The following MAP3K3 variants were observed in gnomAD, a reference collection of about 807,000 sequenced individuals.
MAP3K3 encodes the protein MAP/ERK kinase kinase 3.
Under a neutral mutation model 80.9 loss-of-function variants are expected in MAP3K3, and 12 were observed. The ratio of observed to expected loss-of-function variants is 0.15; its 90% CI spans 0.10 to 0.24. The LOEUF is 0.24. Among genes scored for constraint, MAP3K3 ranks in the 10% least tolerant of loss-of-function variants. The pLI is 1.00. For missense variants in MAP3K3, 596 were observed against 834.7 expected, an observed-to-expected ratio of 0.71 and a Z score of 3.52; for synonymous variants, 272 against 307.1, an observed-to-expected ratio of 0.89 and a Z score of 1.19.
intron 1 of MAP3K3, among the ~76,000 whole-genome samples, chr17:63,631,849 G>T (rs903403353): frequency 1.3e-5 from 2 of 152,126 alleles, no homozygotes; most frequent in Admixed American, 1.3e-4. Context: ...AGAGTTGTGG[G>T]GGTTGCTGGT....
At chr17:63,658,021 G>C (rs2034808359) in intron 5 of MAP3K3, 114 bp downstream of exon 5, 5 of 549,616 alleles carry the variant, frequency 9.1e-6, no homozygotes, top group Non-Finnish European at 1.3e-5. Flanking sequence ...CAAATTGAGA[G>C]CATAAGCACA....
chr17:63,649,657 C>T (rs2034611189), intron 3 of MAP3K3, among the ~76,000 whole-genome samples: 1 of 152,180 alleles, frequency 6.6e-6, no homozygotes, highest in African/African-American at 2.4e-5. Flanking sequence ...ATCCACCTGC[C>T]TTGGCCTTCC....
intron 6 of MAP3K3, among the ~76,000 whole-genome samples, chr17:63,675,731 G>A (rs527894166): frequency 2.0e-5 from 3 of 152,326 alleles, no homozygotes; most frequent in Admixed American, 1.3e-4. Flanking sequence ...TTCAGCTGGT[G>A]GCACAGGTGG....
Position 63,629,084 on chromosome 17 carries a change from A to G in MAP3K3, c.5-3597A>G, listed in dbSNP as rs151297193. ...CCTTACCAAATTTTTCTGACTCTGA[A>G]GTTCATATTCCTAACTGCTTCAGTC... is the stretch of plus-strand genomic sequence containing the variant. On this transcript the variant is annotated intron_variant, in intron 1 of 15. Coordinates refer to ENST00000361733, the MANE Select transcript of MAP3K3 (RefSeq NM_002401.5). Among the ~76,000 whole-genome samples, 821 of 152,200 alleles carry G rather than the reference A, an allele frequency of 5.4e-3. 5 individuals carry two copies. Among genetic ancestry groups the G allele is most frequent in the African/African-American group, 0.018 (751 of 41,556 alleles).
chr17:63,685,388 C>CA, intron 7 of MAP3K3, 129 bp from the exon 8 acceptor site: 2 of 746,640 alleles, frequency 2.7e-6, no homozygotes, highest in Non-Finnish European at 4.9e-6. Flanking sequence ...CTTCCCATTG[C>CA]ATGGGGAGAA....
intron 2 of MAP3K3, among the ~76,000 whole-genome samples, chr17:63,641,405 G>A (rs1230494040): frequency 1.3e-5 from 2 of 151,894 alleles, no homozygotes; most frequent in Non-Finnish European, 2.9e-5. Context: ...ACCACACCCG[G>A]CTAATTTTTG....
Position 63,685,589 on chromosome 17 carries a change from A to G in MAP3K3, c.709A>G (p.Ser237Gly), listed in dbSNP as rs2035431834. 6.2e-7 allele frequency: 1 copy of G among 1,613,892 alleles called. No individual in the cohort carries two copies. The highest frequency in any genetic ancestry group is 8.5e-7 in the Non-Finnish European group (1 of 1,179,858). Residue 237 changes from serine to glycine, a missense_variant and splice_region_variant, in exon 8 of 16, where the codon AGC (serine) becomes GGC (glycine). Physicochemically the swap from Ser to Gly is moderately conservative, Grantham distance 56 (BLOSUM62 0). Transcript: ENST00000361733. Reference protein sequence around the residue: ...SCQSLDRSADSPSFRKSRMSR... With the variant: ...SCQSLDRSADGPSFRKSRMSR... ...CCAATCCTTGGACAGGTCAGCAGAC[A>G]GGTATGGGACTGTGGGTGGTTTGGA...
intron 6 of MAP3K3, among the ~76,000 whole-genome samples, chr17:63,679,343 T>TC (rs2035283060): frequency 6.6e-6 from 1 of 152,178 alleles, no homozygotes; most frequent in Admixed American, 6.5e-5. Context: ...GCTCCATCAG[T>TC]CTGTCAGGCC....
At position 63,689,504 on chromosome 17, in the gene MAP3K3, G is replaced by A. The variant is rs770132803; in HGVS notation, c.872-40G>A. On this transcript the variant is annotated intron_variant, in intron 10 of 15. Coordinates refer to ENST00000361733, the MANE Select transcript of MAP3K3 (RefSeq NM_002401.5). This position sits in a 1 kb window ranked among gnomAD's most constrained non-coding sequence, Gnocchi z 4.3. ...TTTGTACGTTCCGCCTCGTAGCCTGGGGTGTGACTTGCTCTCCTCTGGCCC... is the reference window on the plus strand; with the variant it reads ...TTTGTACGTTCCGCCTCGTAGCCTGAGGTGTGACTTGCTCTCCTCTGGCCC... 18 of 1,570,598 alleles carry A rather than the reference G, an allele frequency of 1.1e-5. No individual in the cohort carries two copies. The highest frequency in any genetic ancestry group is 2.7e-5 in the African/African-American group (2 of 73,986).
intron 3 of MAP3K3, among the ~76,000 whole-genome samples, chr17:63,651,266 C>A (rs1038696522): frequency 2.0e-5 from 3 of 152,080 alleles, no homozygotes; most frequent in Non-Finnish European, 4.4e-5. Flanking sequence ...GGAGGATTGC[C>A]AGAGTTCAGA....
intron 3 of MAP3K3, among the ~76,000 whole-genome samples, chr17:63,647,069 T>C (rs949586586): frequency 5.9e-5 from 9 of 152,226 alleles, no homozygotes; most frequent in Non-Finnish European, 1.2e-4. Flanking sequence ...CTGGTAGTTC[T>C]CTACAGTTGG....
chr17:63,667,003 G>A lies in MAP3K3; in HGVS notation c.445G>A (p.Gly149Arg). The A allele has an allele frequency of 6.2e-7, 1 of 1,613,306 alleles. No homozygotes were observed. Among genetic ancestry groups the A allele is most frequent in the East Asian group, 2.2e-5 (1 of 44,788 alleles). Residue 149 changes from glycine to arginine, a missense_variant, in exon 6 of 16, where the codon GGG becomes AGG. By Grantham distance (125) the Gly-to-Arg change is moderately radical. This residue lies in a region of MAP3K3 where 232 missense variants were observed against 245.8 expected (regional missense o/e 0.94). Transcript: ENST00000361733. ...GCGGATCAAGGCTTCCCAGTCCGCA[G>A]GGGATATAAATACTATCTACCAGCC... ...QVRIKASQSA[G>R]DINTIYQPPE...
chr17:63,665,506 T>C (rs1441465764), intron 5 of MAP3K3, among the ~76,000 whole-genome samples: 1 of 152,168 alleles, frequency 6.6e-6, no homozygotes, highest in Non-Finnish European at 1.5e-5. Context: ...GTATGTCCTT[T>C]GGTACACATT....
At chr17:63,644,101 A>G (rs2034496552) in intron 2 of MAP3K3, among the ~76,000 whole-genome samples, 1 of 152,220 alleles carries the variant, frequency 6.6e-6, no homozygotes, top group Admixed American at 6.5e-5. Flanking sequence ...ATATGTAAAC[A>G]TGCTTAGAAC....
intron 2 of MAP3K3, among the ~76,000 whole-genome samples, chr17:63,638,800 A>T (rs2034384784): frequency 6.6e-6 from 1 of 152,184 alleles, no homozygotes; most frequent in Non-Finnish European, 1.5e-5. Flanking sequence ...TAACCCCAAC[A>T]CTTTGGGAGG....
chr17:63,666,757 G>A (rs2035006971), intron 5 of MAP3K3, among the ~76,000 whole-genome samples, 183 bp from the exon 6 acceptor site: 1 of 152,180 alleles, frequency 6.6e-6, no homozygotes, highest in Non-Finnish European at 1.5e-5. Context: ...AAACTACATT[G>A]AGCGAATAGT....
intron 4 of MAP3K3, among the ~76,000 whole-genome samples, chr17:63,654,442 C>G (rs2034723316): frequency 6.6e-6 from 1 of 151,834 alleles, no homozygotes. Flanking sequence ...ATGGATATAC[C>G]ACATTTTGTG....
At chr17:63,643,148 A>G (rs1254879696) in intron 2 of MAP3K3, among the ~76,000 whole-genome samples, 2 of 152,196 alleles carry the variant, frequency 1.3e-5, no homozygotes, top group African/African-American at 4.8e-5. Context: ...TAGTTGATAT[A>G]TCAATATTGA....
chr17:63,688,965 G>A lies in MAP3K3; in HGVS notation c.871+84G>A, dbSNP rs1035782866. ...GGGAGGGTGGGTTCGTCCATGCAGT[G>A]CCTGTATTTTCCTTCATTCCTGAGG... is the stretch of plus-strand genomic sequence containing the variant. On this transcript the variant is annotated intron_variant, in intron 10 of 15. Coordinates refer to ENST00000361733, the MANE Select transcript of MAP3K3 (RefSeq NM_002401.5). 5.3e-6 allele frequency: 5 copies of A among 951,872 alleles called. No individual in the cohort carries two copies. In the African/African-American group the frequency reaches 6.5e-5, roughly 12 times the overall value. The allele number at this position is 951,872 out of a possible 1,614,324, so 59.0% of individuals were successfully genotyped here.
Sources: gnomAD v4.1 joint callset for allele counts (sites outside exome capture counted in the v4.1 genomes callset) on GRCh38, gnomAD v4.1.1 for gene constraint, gnomAD v4.1.1 regional missense constraint, Gnocchi (gnomAD v3.1) non-coding constraint, MANE v1.5 for transcripts, NCBI Gene and HGNC (gene_info 2026-07-23, HGNC 2026-07-21) for gene names.